COL25A1: variants seen among roughly 807,000 people sequenced by gnomAD.
COL25A1 encodes the protein collagen type XXV alpha 1 chain.
A neutral mutation model predicts 128.4 loss-of-function variants in COL25A1; 103 were observed. That is an observed-to-expected ratio of 0.80 (90% CI 0.68 to 0.94). COL25A1 has a LOEUF of 0.94. Among genes scored for constraint, COL25A1 ranks in the 40% least tolerant of loss-of-function variants. COL25A1 has a pLI of 0.00. For missense variants in COL25A1, 745 were observed against 840.0 expected, an observed-to-expected ratio of 0.89 and a Z score of 1.40; for synonymous variants, 279 against 277.2, an observed-to-expected ratio of 1.01 and a Z score of -0.06.
At chr4:108,881,664 T>C (rs2125830957) in intron 19 of COL25A1, among the ~76,000 whole-genome samples, 1 of 146,374 alleles carries the variant, frequency 6.8e-6, no homozygotes, top group South Asian at 2.4e-4. Flanking sequence ...AAAAAGAACA[T>C]TCTAAGTTAA....
chr4:108,944,151 A>T (rs1284734951), intron 8 of COL25A1, among the ~76,000 whole-genome samples: 6 of 152,166 alleles, frequency 3.9e-5, no homozygotes, highest in African/African-American at 1.2e-4. Flanking sequence ...AAACAGAGAA[A>T]ATCTTATCTC....
intron 3 of COL25A1, among the ~76,000 whole-genome samples, chr4:109,272,901 G>T (rs186499375): frequency 1.3e-4 from 20 of 152,288 alleles, no homozygotes; most frequent in Admixed American, 1.1e-3. Flanking sequence ...GGCCTCCATG[G>T]CTGGGTATTA....
intron 3 of COL25A1, among the ~76,000 whole-genome samples, chr4:109,065,776 C>A (rs928690379): frequency 9.2e-5 from 14 of 152,124 alleles, no homozygotes; most frequent in African/African-American, 3.1e-4. Context: ...GGTCATTAGT[C>A]CTAGATTTTG....
At chr4:109,018,680 T>C (rs11721332) in intron 5 of COL25A1, among the ~76,000 whole-genome samples, 6,520 of 152,256 alleles carry the variant, frequency 0.043, 207 homozygotes, top group Non-Finnish European at 0.061. Flanking sequence ...TCTTCTCCAA[T>C]ATCTCAGACC....
intron 3 of COL25A1, among the ~76,000 whole-genome samples, chr4:109,148,849 GT>G (rs1196769890): frequency 6.6e-6 from 1 of 152,038 alleles, no homozygotes; most frequent in Admixed American, 6.6e-5. Context: ...TTCTCCAAAT[GT>G]TCCTTCTCCA....
intron 3 of COL25A1, among the ~76,000 whole-genome samples, chr4:109,214,468 G>A (rs1451297410): frequency 6.6e-6 from 1 of 152,026 alleles, no homozygotes; most frequent in Non-Finnish European, 1.5e-5. Flanking sequence ...AGTAACACTA[G>A]TAACCAGTAA....
chr4:109,293,271 T>C (rs1407085664), intron 3 of COL25A1, among the ~76,000 whole-genome samples: 1 of 152,016 alleles, frequency 6.6e-6, no homozygotes, highest in Non-Finnish European at 1.5e-5. Flanking sequence ...TATATAACAA[T>C]AAGAACTCTA....
intron 3 of COL25A1, among the ~76,000 whole-genome samples, chr4:109,094,041 T>C (rs187634264): frequency 1.3e-4 from 20 of 152,172 alleles, no homozygotes; most frequent in African/African-American, 4.3e-4. Flanking sequence ...TAAAAAACAA[T>C]AGAGCTTCAA....
chr4:109,052,251 T>C, intron 3 of COL25A1, among the ~76,000 whole-genome samples: 1 of 152,100 alleles, frequency 6.6e-6, no homozygotes, highest in Non-Finnish European at 1.5e-5. Context: ...TTTGAAGAAA[T>C]CAAAAACCAA....
At chr4:108,968,792 T>C (rs1751602950) in intron 8 of COL25A1, among the ~76,000 whole-genome samples, 3 of 152,190 alleles carry the variant, frequency 2.0e-5, no homozygotes, top group Non-Finnish European at 4.4e-5. Context: ...AAATATCTCA[T>C]CAAGATCACG....
intron 3 of COL25A1, among the ~76,000 whole-genome samples, chr4:109,155,377 G>T (rs1221837400): frequency 6.6e-6 from 1 of 151,930 alleles, no homozygotes; most frequent in African/African-American, 2.4e-5. Flanking sequence ...TTACTTCTTG[G>T]GCTTTAAAAC....
intron 3 of COL25A1, among the ~76,000 whole-genome samples, chr4:109,149,220 G>A (rs1487327423): frequency 6.6e-6 from 1 of 152,082 alleles, no homozygotes; most frequent in African/African-American, 2.4e-5. Context: ...ATGAATTTGC[G>A]ATTGCCAATG....
chr4:109,044,138 T>C (rs1006214086), intron 5 of COL25A1, among the ~76,000 whole-genome samples: 4 of 151,980 alleles, frequency 2.6e-5, no homozygotes. Context: ...TAAATATATA[T>C]ATCTCAAAAT....
At chr4:109,043,188 A>G (rs1253862958) in intron 5 of COL25A1, among the ~76,000 whole-genome samples, 1 of 152,116 alleles carries the variant, frequency 6.6e-6, no homozygotes, top group Non-Finnish European at 1.5e-5. Context: ...GTTAAGTGAC[A>G]CATGGTAGGT....
At chr4:109,218,357 G>GTTTTTTGTTTGTTTGTTTGTTTTTT (rs1778164499) in intron 3 of COL25A1, among the ~76,000 whole-genome samples, 6 of 73,522 alleles carry the variant, frequency 8.2e-5, no homozygotes, top group African/African-American at 3.4e-4. Context: ...GTTTTTTGGG[G>GTTTTTTGTTTGTTTGTTTGTTTTTT]TTTTTTTTTT....
intron 3 of COL25A1, among the ~76,000 whole-genome samples, chr4:109,254,297 T>A (rs1401732484): frequency 6.6e-6 from 1 of 150,378 alleles, no homozygotes; most frequent in Non-Finnish European, 1.5e-5. Context: ...GAAGGTAGAG[T>A]AACCTTATTA....
intron 3 of COL25A1, among the ~76,000 whole-genome samples, chr4:109,180,554 A>G (rs1435662044): frequency 6.6e-6 from 1 of 152,186 alleles, no homozygotes; most frequent in East Asian, 1.9e-4. Flanking sequence ...GATAAAAAAT[A>G]CTTAGAATAG....
intron 3 of COL25A1, among the ~76,000 whole-genome samples, chr4:109,098,723 CA>C (rs1476418344): frequency 6.6e-6 from 1 of 152,144 alleles, no homozygotes; most frequent in Non-Finnish European, 1.5e-5. Flanking sequence ...TACCTGATAG[CA>C]AGAATATAAT....
At chr4:108,965,376 T>G (rs1195992749) in intron 8 of COL25A1, among the ~76,000 whole-genome samples, 1 of 152,202 alleles carries the variant, frequency 6.6e-6, no homozygotes, top group African/African-American at 2.4e-5. Flanking sequence ...CTGTGTTATT[T>G]GGCAAGGTGA....
Sources: allele counts gnomAD v4.1 joint callset (sites outside exome capture counted in the v4.1 genomes callset), GRCh38; gene constraint gnomAD v4.1.1; transcripts MANE v1.5; gene names NCBI Gene and HGNC (gene_info 2026-07-23, HGNC 2026-07-21).